HCN1: variants seen among roughly 807,000 people sequenced by gnomAD.
HCN1 encodes hyperpolarization activated cyclic nucleotide gated potassium channel 1.
A neutral mutation model predicts 78.9 loss-of-function variants in HCN1; 13 were observed. That is an observed-to-expected ratio of 0.16 (90% CI 0.11 to 0.26). The LOEUF (loss-of-function observed/expected upper bound fraction) is 0.26, where lower values mean the gene tolerates loss of function less well. Ranked by LOEUF, HCN1 falls within the 10% of genes least tolerant of loss-of-function variation. The pLI is 1.00. For synonymous variants in HCN1, 552 were observed against 455.5 expected (o/e 1.21, Z -2.70); for missense variants, 810 against 1,154.3 (o/e 0.70, Z 4.32).
At chr5:45,453,538 T>G (rs1217185604) in intron 3 of HCN1, among the ~76,000 whole-genome samples, 1 of 152,094 alleles carries the variant, frequency 6.6e-6, no homozygotes, top group Non-Finnish European at 1.5e-5. Context: ...AGCCAATTCA[T>G]GGTTGTTTTC....
chr5:45,453,018 G>A (rs1561160756), intron 3 of HCN1, among the ~76,000 whole-genome samples: 3 of 152,000 alleles, frequency 2.0e-5, no homozygotes, highest in South Asian at 2.1e-4. Context: ...TATAAAGCAG[G>A]AGGGATAAAA....
At chr5:45,352,583 A>G (rs1009850812) in intron 5 of HCN1, among the ~76,000 whole-genome samples, 1 of 152,050 alleles carries the variant, frequency 6.6e-6, no homozygotes, top group African/African-American at 2.4e-5. Context: ...TTGGTCCAGG[A>G]GTGATCTGAA....
Position 45,552,934 on chromosome 5 carries a change from A to G in HCN1, c.850-90927T>C, listed in dbSNP as rs554128268. The stretch of plus-strand genomic sequence containing the variant: ...AGACACAAATAGGAGATCAGATAAA[A>G]TAAGAATAACATTAATCACAATCAA... On this transcript the variant is annotated intron_variant, in intron 2 of 7. Transcript: ENST00000303230. Among the ~76,000 whole-genome samples the G allele has an allele frequency of 5.9e-5, 9 of 152,052 alleles. No individual in the cohort carries two copies. In the South Asian group the frequency reaches 1.9e-3, roughly 32 times the overall value.
intron 4 of HCN1, among the ~76,000 whole-genome samples, chr5:45,372,439 A>C (rs1421937753): frequency 8.1e-6 from 1 of 123,972 alleles, no homozygotes; most frequent in Non-Finnish European, 1.6e-5. Context: ...ATATATACTT[A>C]TATATAAAAA....
chr5:45,617,340 G>A (rs1398574832), intron 2 of HCN1: 3 of 152,138 alleles, frequency 2.0e-5, no homozygotes, highest in East Asian at 1.9e-4. Flanking sequence ...AAAGTCCAAC[G>A]GATGTACCTC....
intron 6 of HCN1, among the ~76,000 whole-genome samples, chr5:45,283,792 T>C (rs1308403150): frequency 6.6e-6 from 1 of 152,152 alleles, no homozygotes; most frequent in African/African-American, 2.4e-5. Context: ...CATTACCGCA[T>C]ATACACCAAG....
intron 2 of HCN1, among the ~76,000 whole-genome samples, chr5:45,616,811 AT>A (rs1450381046): frequency 1.3e-5 from 2 of 151,978 alleles, no homozygotes; most frequent in African/African-American, 2.4e-5. Context: ...TTTTCCTTCG[AT>A]TTTTTAATCA....
intron 1 of HCN1, among the ~76,000 whole-genome samples, chr5:45,693,320 AGTTT>A (rs766312459): frequency 4.0e-5 from 6 of 151,678 alleles, no homozygotes; most frequent in Non-Finnish European, 5.9e-5. Flanking sequence ...TTATTTTTGC[AGTTT>A]GTTTTAGAAC....
intron 1 of HCN1, among the ~76,000 whole-genome samples, chr5:45,663,378 A>G (rs1209802739): frequency 7.2e-6 from 1 of 138,546 alleles, no homozygotes; most frequent in East Asian, 2.1e-4. Flanking sequence ...AGACATTACC[A>G]TTCAGGACAT....
chr5:45,407,080 A>G (rs1362313787), intron 3 of HCN1, among the ~76,000 whole-genome samples: 1 of 152,188 alleles, frequency 6.6e-6, no homozygotes, highest in East Asian at 1.9e-4. Context: ...GTTCAATCTG[A>G]AACACTGAGT....
intron 2 of HCN1, among the ~76,000 whole-genome samples, chr5:45,579,452 C>CCTTTGGTCAT (rs1744014275): frequency 6.6e-6 from 1 of 152,014 alleles, no homozygotes; most frequent in African/African-American, 2.4e-5. Flanking sequence ...TCTCCTTTTC[C>CCTTTGGTCAT]CTTTGGTCAT....
chr5:45,372,433 A>G (rs1374282766), intron 4 of HCN1, among the ~76,000 whole-genome samples: 2 of 123,670 alleles, frequency 1.6e-5, no homozygotes, highest in African/African-American at 3.1e-5. Context: ...AAAATAATAT[A>G]TACTTATATA....
chr5:45,336,634 G>C (rs1746462658), intron 5 of HCN1, among the ~76,000 whole-genome samples: 1 of 151,872 alleles, frequency 6.6e-6, no homozygotes, highest in Admixed American at 6.6e-5. Context: ...GTGTAGCAAT[G>C]GTTTTATCCA....
rs370111480 is a variant in HCN1, at chr5:45,470,665, T to A, written c.850-8658A>T. ...AAAGTTTATTGAAGTAACTAATCTATGTGGAAGCATCCTTAAAAGTAATAA... is the reference window on the plus strand; with the variant it reads ...AAAGTTTATTGAAGTAACTAATCTAAGTGGAAGCATCCTTAAAAGTAATAA... On this transcript the variant is annotated intron_variant, in intron 2 of 7. Transcript: ENST00000303230. Among the ~76,000 whole-genome samples, 25 of 152,102 alleles carry A rather than the reference T, an allele frequency of 1.6e-4. 2 individuals carry two copies. Among genetic ancestry groups the A allele is most frequent in the African/African-American group, 5.8e-4 (24 of 41,572 alleles).
chr5:45,464,075 T>C (rs1019623041), intron 2 of HCN1, among the ~76,000 whole-genome samples: 1 of 152,116 alleles, frequency 6.6e-6, no homozygotes, highest in Non-Finnish European at 1.5e-5. Context: ...TAGATCTGAC[T>C]GGGTTTTTCT....
At chr5:45,508,936 T>G (rs1321483107) in intron 2 of HCN1, among the ~76,000 whole-genome samples, 1 of 152,082 alleles carries the variant, frequency 6.6e-6, no homozygotes, top group East Asian at 1.9e-4. Context: ...TTCGCCATAA[T>G]TCAATTTATC....
intron 2 of HCN1, among the ~76,000 whole-genome samples, chr5:45,490,762 TTAAA>T (rs756556959): frequency 6.6e-6 from 1 of 152,132 alleles, no homozygotes; most frequent in African/African-American, 2.4e-5. Context: ...AATAAAAAAC[TTAAA>T]TAAAGATGAG....
In HCN1 at chr5:45,631,612, A is replaced by AT. The variant is rs1431628951; in HGVS notation, c.849+13572dup. The stretch of plus-strand genomic sequence containing the variant: ...AAACTATTGACAACTCACAGACTAC[A>AT]TACTGGAGCATGTGGATCAAGATTT... On this transcript the variant is annotated intron_variant, in intron 2 of 7. Coordinates refer to ENST00000303230, the MANE Select transcript of HCN1 (RefSeq NM_021072.4). Among the ~76,000 whole-genome samples, 4 of 152,266 alleles carry AT rather than the reference A, an allele frequency of 2.6e-5. No individual in the cohort carries two copies. The East Asian group carries it at 7.7e-4, about 29-fold the overall frequency.
intron 1 of HCN1, among the ~76,000 whole-genome samples, chr5:45,681,307 TTTTG>T (rs757294979): frequency 7.9e-5 from 12 of 152,232 alleles, no homozygotes; most frequent in Admixed American, 4.6e-4. Context: ...GCCCATGATT[TTTTG>T]TTTGTTTGTT....
Sources: allele counts gnomAD v4.1 joint callset (sites outside exome capture counted in the v4.1 genomes callset), GRCh38; gene constraint gnomAD v4.1.1; transcripts MANE v1.5; gene names NCBI Gene and HGNC (gene_info 2026-07-23, HGNC 2026-07-21).